Variants in RANGAP1 observed in about 807,000 individuals in gnomAD.
RANGAP1 encodes the protein Ran GTPase activating protein 1, also known as ran GTPase-activating protein 1.
In RANGAP1, 38 loss-of-function variants were observed where a neutral mutation model predicts 63.5. That is an observed-to-expected ratio of 0.60 (90% CI 0.46 to 0.78). The LOEUF is 0.78. Among genes scored for constraint, RANGAP1 ranks in the 30% least tolerant of loss-of-function variants. RANGAP1 has a pLI of 0.00. For missense variants in RANGAP1, 630 were observed against 740.3 expected (o/e 0.85, Z 1.73); for synonymous variants, 329 against 310.5 (o/e 1.06, Z -0.63).
intron 15 of RANGAP1, among the ~76,000 whole-genome samples, chr22:41,248,244 C>A (rs1421549023): frequency 1.3e-5 from 2 of 152,326 alleles, no homozygotes; most frequent in East Asian, 3.9e-4. Context: ...CACAGTGAGG[C>A]TCTACCTAGC....
chr22:41,282,843 A>G (rs1235861386), intron 1 of RANGAP1, among the ~76,000 whole-genome samples: 1 of 152,182 alleles, frequency 6.6e-6, no homozygotes. Flanking sequence ...GCTCCAAAAA[A>G]AGAAAAGAAA....
intron 3 of RANGAP1, among the ~76,000 whole-genome samples, chr22:41,268,934 A>C (rs75846834): frequency 0.019 from 2,861 of 152,284 alleles, 85 homozygotes; most frequent in African/African-American, 0.066. Context: ...CTTTTTAACA[A>C]AGGGAGAGCA....
chr22:41,273,766 CAAAAAAAAAAAAAAA>C (rs71200678), intron 3 of RANGAP1, among the ~76,000 whole-genome samples: 3 of 24,356 alleles, frequency 1.2e-4, no homozygotes, highest in Admixed American at 7.2e-4. Flanking sequence ...GACTCCATCT[CAAAAAAAAAAAAAAA>C]AAAAAAAAAA....
At chr22:41,251,204 G>A in intron 12 of RANGAP1, 95 bp from the exon 13 acceptor site, 1 of 934,142 alleles carries the variant, frequency 1.1e-6, no homozygotes, top group Non-Finnish European at 1.7e-6. Context: ...CAGTACAAAG[G>A]CCCCTGGCGG....
chr22:41,262,331 C>T (rs572419147), intron 5 of RANGAP1, among the ~76,000 whole-genome samples: 9 of 152,244 alleles, frequency 5.9e-5, no homozygotes, highest in Admixed American at 1.3e-4. Context: ...AAAAGAATCA[C>T]GAGCGAGTGC....
At chr22:41,250,558 G>A (rs2033374787) in intron 13 of RANGAP1, among the ~76,000 whole-genome samples, 1 of 152,186 alleles carries the variant, frequency 6.6e-6, no homozygotes, top group African/African-American at 2.4e-5. Flanking sequence ...GGGCTGGAGG[G>A]ATATGGGCTG....
chr22:41,295,300 G>C, the RANGAP1 span, among the ~76,000 whole-genome samples: 43,435 of 150,240 alleles, frequency 0.29, 6,920 homozygotes, highest in Admixed American at 0.49. Flanking sequence ...GATGGTTGCC[G>C]TGTCTGTGTA....
At chr22:41,286,356 G>A (rs922402973), upstream of RANGAP1, 3 of 152,304 alleles carry the variant, frequency 2.0e-5, no homozygotes, top group African/African-American at 7.2e-5. Flanking sequence ...CGAACTACCC[G>A]TCCCATGGCG....
In RANGAP1 at chr22:41,284,045, G is replaced by A. The variant is rs186954427; in HGVS notation, c.-39+1941C>T. The stretch of plus-strand genomic sequence containing the variant: ...GGGCGGATCACGAGGTCAGGAGATC[G>A]AGACCATCCTGGCTAACACGGTGAA... On this transcript the variant is annotated intron_variant, in intron 1 of 15. Coordinates refer to ENST00000356244, the MANE Select transcript of RANGAP1 (RefSeq NM_002883.4). Among the ~76,000 whole-genome samples, 39 of 151,544 alleles carry A rather than the reference G, an allele frequency of 2.6e-4. No homozygotes were observed. In the East Asian group the frequency reaches 6.8e-3, roughly 27 times the overall value.
chr22:41,301,449 C>T, the RANGAP1 span: 2 of 152,244 alleles, frequency 1.3e-5, no homozygotes, highest in African/African-American at 4.8e-5. Flanking sequence ...AGGTGCGCAG[C>T]CCGCGCCGCC....
intron 6 of RANGAP1, among the ~76,000 whole-genome samples, chr22:41,258,804 G>A (rs930519885): frequency 2.5e-4 from 38 of 152,076 alleles, no homozygotes; most frequent in Admixed American, 5.2e-4. Flanking sequence ...ACAGGCGTGC[G>A]CCACCACACC....
chr22:41,295,047 G>C, the RANGAP1 span, among the ~76,000 whole-genome samples: 1 of 145,590 alleles, frequency 6.9e-6, no homozygotes, highest in South Asian at 2.2e-4. Flanking sequence ...TCCCCCGCCC[G>C]GCCAGCCGCC....
intron 10 of RANGAP1, among the ~76,000 whole-genome samples, chr22:41,254,992 A>C (rs1225090506): frequency 1.3e-5 from 2 of 151,732 alleles, no homozygotes; most frequent in African/African-American, 2.4e-5. Context: ...ACAAAAAAAA[A>C]AAACAAAAAA....
chr22:41,246,260 G>T lies in RANGAP1; in HGVS notation c.*343C>A, dbSNP rs944606832. 5.0e-6 allele frequency: 1 copy of T among 198,140 alleles called. No homozygotes were observed. Among genetic ancestry groups the T allele is most frequent in the Non-Finnish European group, 1.0e-5 (1 of 96,596 alleles). 12.3% of individuals were successfully genotyped at this position (198,140 alleles called of 1,614,324 possible). A position where few individuals can be genotyped will look rare whatever the true frequency, so the allele number is the denominator to read the frequency against. On this transcript the variant is annotated 3_prime_UTR_variant, in exon 16 of 16. Transcript: ENST00000356244. ...GGCCGGAAGGCAGGTGGGTGGGGAC[G>T]GCCATCAGGGCCCAGGCGGAGATCA...
chr22:41,301,674 C>G, the RANGAP1 span: 1 of 152,170 alleles, frequency 6.6e-6, no homozygotes, highest in Non-Finnish European at 1.5e-5. Context: ...AGCATTTACT[C>G]TTATTATTAC....
rs372671415 is a variant in RANGAP1, at chr22:41,260,848, A to T, written c.615+598T>A. ...ACAGAATGAGACTCTGCCTCAAAAA[A>T]AACAGGAAAGAGAGGAGGGAGACAG... On this transcript the variant is annotated intron_variant, in intron 6 of 15. Coordinates refer to ENST00000356244, the MANE Select transcript of RANGAP1 (RefSeq NM_002883.4). Among the ~76,000 whole-genome samples the T allele has an allele frequency of 2.6e-5, 4 of 152,318 alleles. No homozygotes were observed. The East Asian group carries it at 7.7e-4, about 29-fold the overall frequency.
At chr22:41,272,090 C>A (rs949506985) in intron 3 of RANGAP1, among the ~76,000 whole-genome samples, 1 of 152,212 alleles carries the variant, frequency 6.6e-6, no homozygotes, top group African/African-American at 2.4e-5. Flanking sequence ...CAGAGCTGCA[C>A]GCAGGGCAAG....
the RANGAP1 span, among the ~76,000 whole-genome samples, chr22:41,292,430 G>A: frequency 8.5e-5 from 13 of 152,118 alleles, no homozygotes; most frequent in South Asian, 1.0e-3. Flanking sequence ...GATTACAGGC[G>A]TGAGTCACTG....
chr22:41,247,868 A>G (rs1214102165), intron 15 of RANGAP1, among the ~76,000 whole-genome samples: 2 of 152,228 alleles, frequency 1.3e-5, no homozygotes, highest in African/African-American at 4.8e-5. Flanking sequence ...GTCACTACAT[A>G]GTTAATCAGT....
Sources: allele counts gnomAD v4.1 joint callset (sites outside exome capture counted in the v4.1 genomes callset), GRCh38; gene constraint gnomAD v4.1.1; transcripts MANE v1.5; gene names NCBI Gene and HGNC (gene_info 2026-07-23, HGNC 2026-07-21).